Variants in ANKRD12 observed in about 807,000 individuals in gnomAD.
ANKRD12 encodes ankyrin repeat domain 12.
Under a neutral mutation model 183.4 loss-of-function variants are expected in ANKRD12, and 85 were observed. The ratio of observed to expected loss-of-function variants is 0.46; its 90% CI spans 0.39 to 0.56. The LOEUF is 0.56. ANKRD12 is among the 20% of genes least tolerant of loss of function. ANKRD12 has a pLI of 0.00. For missense variants in ANKRD12, 2,405 were observed against 2,357.1 expected (o/e 1.02, Z -0.42); for synonymous variants, 914 against 800.2 (o/e 1.14, Z -2.40).
intron 8 of ANKRD12, among the ~76,000 whole-genome samples, chr18:9,233,504 A>G (rs2037171844): frequency 1.3e-5 from 2 of 151,854 alleles, no homozygotes; most frequent in Non-Finnish European, 2.9e-5. Flanking sequence ...CTTTTGTCCT[A>G]CATTCATACC....
At chr18:9,208,445 T>C (rs915175262) in intron 4 of ANKRD12, among the ~76,000 whole-genome samples, 2 of 152,148 alleles carry the variant, frequency 1.3e-5, no homozygotes, top group Non-Finnish European at 2.9e-5. Flanking sequence ...CTGAAAACAG[T>C]GGAATTAAGA....
At position 9,264,004 on chromosome 18, in the gene ANKRD12, GTGATT is replaced by G. The variant is rs1177021737; in HGVS notation, c.5763+119_5763+123del. The G allele has an allele frequency of 2.2e-5, 22 of 988,286 alleles. No individual in the cohort carries two copies. In the African/African-American group the frequency reaches 3.7e-4, roughly 17 times the overall value. The allele number at this position is 988,286 out of a possible 1,614,324, so 61.2% of individuals were successfully genotyped here. On this transcript the variant is annotated intron_variant, in intron 10 of 12. Transcript: ENST00000262126. ...TTAAAATTTAGAACCATTTTGAGAAGTGATTTGGTTTTATCTTGTGTTTATTAGAT... is the reference window on the plus strand; with the variant it reads ...TTAAAATTTAGAACCATTTTGAGAAGTGGTTTTATCTTGTGTTTATTAGAT...
chr18:9,243,984 A>C (rs2037805501), intron 8 of ANKRD12, among the ~76,000 whole-genome samples: 1 of 152,174 alleles, frequency 6.6e-6, no homozygotes, highest in Non-Finnish European at 1.5e-5. Context: ...CTACTAATAA[A>C]TACAAAGAAA....
At chr18:9,277,337 T>G (rs2039893658) in intron 11 of ANKRD12, among the ~76,000 whole-genome samples, 1 of 147,176 alleles carries the variant, frequency 6.8e-6, no homozygotes, top group Non-Finnish European at 1.5e-5. Context: ...TTTTTTTTTT[T>G]TTTTTTTTTA....
At chr18:9,279,376 A>G (rs1347860806) in intron 11 of ANKRD12, among the ~76,000 whole-genome samples, 173 bp from the exon 12 acceptor site, 6 of 152,222 alleles carry the variant, frequency 3.9e-5, no homozygotes, top group East Asian at 1.9e-4. Flanking sequence ...CAATCTGTCT[A>G]CACAATGTGG....
At chr18:9,210,493 G>A (rs1157815520) in intron 5 of ANKRD12, among the ~76,000 whole-genome samples, 1 of 151,850 alleles carries the variant, frequency 6.6e-6, no homozygotes, top group African/African-American at 2.4e-5. Flanking sequence ...GGCTGAGGCA[G>A]GCAGATCACT....
intron 1 of ANKRD12, among the ~76,000 whole-genome samples, chr18:9,177,527 A>G (rs1395319355): frequency 2.0e-5 from 3 of 152,128 alleles, no homozygotes; most frequent in Non-Finnish European, 4.4e-5. Context: ...ATCGAGTCAG[A>G]TTATTTAGGA....
At chr18:9,217,491 T>G (rs149394615) in intron 7 of ANKRD12, among the ~76,000 whole-genome samples, 2 of 152,184 alleles carry the variant, frequency 1.3e-5, no homozygotes, top group African/African-American at 2.4e-5. Flanking sequence ...GGTAAAAGAT[T>G]AAAAAGCTGC....
rs73394148 is a variant in ANKRD12, at chr18:9,228,454, C to G, written c.943+6455C>G. Among the ~76,000 whole-genome samples, 609 of 152,220 alleles carry G rather than the reference C, an allele frequency of 4.0e-3. 3 individuals are homozygous for G. Among genetic ancestry groups the G allele is most frequent in the African/African-American group, 0.014 (576 of 41,532 alleles). On this transcript the variant is annotated intron_variant, in intron 8 of 12. Coordinates refer to ENST00000262126, the MANE Select transcript of ANKRD12 (RefSeq NM_015208.5). ...CCCACTAACAGTGTAAAAGAGGTTC[C>G]CTTTTCTCCACACCCTCGCCAGTAA...
intron 1 of ANKRD12, among the ~76,000 whole-genome samples, chr18:9,165,451 C>G (rs1233701451): frequency 6.6e-6 from 1 of 152,126 alleles, no homozygotes; most frequent in African/African-American, 2.4e-5. Context: ...CACTGTTCTT[C>G]ATCAGAATGT....
At position 9,282,523 on chromosome 18, in the gene ANKRD12, T is replaced by C. The variant is rs1286367110; in HGVS notation, c.*1397T>C. ...GATGTAAATTAAATATTCAGGAATA[T>C]TTCAGGTCTGAAATCTGCTGCTGAA... On this transcript the variant is annotated 3_prime_UTR_variant, in exon 13 of 13. Transcript: ENST00000262126. 2.0e-5 allele frequency: 3 copies of C among 152,590 alleles called. No homozygotes were observed. The highest frequency in any genetic ancestry group is 4.4e-5 in the Non-Finnish European group (3 of 68,004). 9.5% of individuals were successfully genotyped at this position (152,590 alleles called of 1,614,324 possible).
intron 9 of ANKRD12, 118 bp downstream of exon 9, chr18:9,259,049 T>C: frequency 8.4e-7 from 1 of 1,194,214 alleles, no homozygotes; most frequent in Non-Finnish European, 1.2e-6. Context: ...AAATAATCTG[T>C]CAGTGAGTCG....
intron 10 of ANKRD12, among the ~76,000 whole-genome samples, chr18:9,269,503 A>G (rs1436837491): frequency 6.6e-6 from 1 of 152,252 alleles, no homozygotes; most frequent in Non-Finnish European, 1.5e-5. Flanking sequence ...AAACCTGACA[A>G]AAACAAACAA....
At chr18:9,212,334 TAGG>T (rs2035851173) in intron 6 of ANKRD12, among the ~76,000 whole-genome samples, 1 of 151,988 alleles carries the variant, frequency 6.6e-6, no homozygotes, top group African/African-American at 2.4e-5. Context: ...GGTTAACGCT[TAGG>T]AGGTTACTCA....
At chr18:9,223,885 G>T (rs1036051409) in intron 8 of ANKRD12, among the ~76,000 whole-genome samples, 1 of 152,100 alleles carries the variant, frequency 6.6e-6, no homozygotes, top group Non-Finnish European at 1.5e-5. Context: ...TCTGTGTTCA[G>T]TAAAAGTTCA....
At chr18:9,277,494 AT>A (rs373432467) in intron 11 of ANKRD12, among the ~76,000 whole-genome samples, 1 of 151,194 alleles carries the variant, frequency 6.6e-6, no homozygotes, top group Non-Finnish European at 1.5e-5. Context: ...CACCCGGCTA[AT>A]TTTTTGTATT....
chr18:9,251,185 C>T (rs1000026401), intron 8 of ANKRD12, among the ~76,000 whole-genome samples: 5 of 152,022 alleles, frequency 3.3e-5, no homozygotes, highest in Admixed American at 2.0e-4. Context: ...GTGTCAACAC[C>T]TCTCTGCCTA....
intron 2 of ANKRD12, among the ~76,000 whole-genome samples, chr18:9,183,095 A>G (rs879696904): frequency 6.6e-6 from 1 of 152,204 alleles, no homozygotes; most frequent in Admixed American, 6.5e-5. Flanking sequence ...CATTGTGGAA[A>G]GGTCTTTGTT....
chr18:9,274,084 C>G (rs972665898), intron 10 of ANKRD12, among the ~76,000 whole-genome samples: 1 of 152,222 alleles, frequency 6.6e-6, no homozygotes, highest in Non-Finnish European at 1.5e-5. Context: ...GGCCTTGATT[C>G]CCTGTCACTG....
Sources: allele counts gnomAD v4.1 joint callset (sites outside exome capture counted in the v4.1 genomes callset), GRCh38; gene constraint gnomAD v4.1.1; transcripts MANE v1.5; gene names NCBI Gene and HGNC (gene_info 2026-07-23, HGNC 2026-07-21).